Variants in TRIM39 observed in about 807,000 individuals in gnomAD.
TRIM39 encodes the protein tripartite motif containing 39.
TRIM39 carries 5 observed loss-of-function variants against 53.6 expected under a neutral mutation model. The ratio of observed to expected loss-of-function variants is 0.09; its 90% CI spans 0.05 to 0.20. TRIM39 has a LOEUF of 0.20. Among genes scored for constraint, TRIM39 ranks in the 10% least tolerant of loss-of-function variants. The probability of loss-of-function intolerance (pLI) is 1.00; values close to 1 mark genes in which losing one functional copy is unlikely to be tolerated. For synonymous variants in TRIM39, 196 were observed against 237.6 expected, an observed-to-expected ratio of 0.82 and a Z score of 1.61; for missense variants, 310 against 621.0, an observed-to-expected ratio of 0.50 and a Z score of 5.32.
intron 3 of TRIM39, among the ~76,000 whole-genome samples, chr6:30,330,321 C>T (rs1398179872): frequency 6.6e-6 from 1 of 152,204 alleles, no homozygotes; most frequent in Non-Finnish European, 1.5e-5. Context: ...AGCATTTTAT[C>T]ATATACTTTG....
intron 5 of TRIM39, among the ~76,000 whole-genome samples, chr6:30,337,400 C>T (rs1264504404): frequency 6.6e-6 from 1 of 151,778 alleles, no homozygotes; most frequent in African/African-American, 2.4e-5. Context: ...AGTGAAACTC[C>T]ATCCCCCCAA....
chr6:30,336,054 A>T (rs1786816924), intron 5 of TRIM39, 79 bp downstream of exon 5: 1 of 1,568,182 alleles, frequency 6.4e-7, no homozygotes, highest in Non-Finnish European at 8.7e-7. Context: ...TCAGCCTGGG[A>T]TACTCATTCT....
rs1374296902 is a variant in TRIM39, at chr6:30,339,706, T to C, written c.781-202T>C. Among the ~76,000 whole-genome samples, 1 of 152,184 alleles carries C rather than the reference T, an allele frequency of 6.6e-6. No homozygotes were observed. The highest frequency in any genetic ancestry group is 1.5e-5 in the Non-Finnish European group (1 of 68,030). ...AAGTGATATAAATGACCAAGCTTCA[T>C]GATGACCAGAAGTTGAAAGTAGGGA... On this transcript the variant is annotated intron_variant, in intron 5 of 7. Transcript: ENST00000396551. This position sits in a 1 kb window ranked among gnomAD's most constrained non-coding sequence, Gnocchi z 4.2.
At position 30,329,788 on chromosome 6, in the gene TRIM39, C is replaced by T. The variant is rs371510360; in HGVS notation, c.453+18C>T. 8.1e-6 allele frequency: 13 copies of T among 1,604,264 alleles called. No homozygotes were observed. In the East Asian group the frequency reaches 8.9e-5, roughly 11 times the overall value. ...AGTACAAGGTGGGGAAGCAGACACA[C>T]GATGTCAGTGTGGGTAAAAAGGGAG... On this transcript the variant is annotated intron_variant, in intron 3 of 7. Coordinates refer to ENST00000396551, the Ensembl canonical transcript of TRIM39.
chr6:30,342,274 G>A lies in TRIM39; in HGVS notation c.*15G>A, dbSNP rs1254362779. 9.3e-6 allele frequency: 15 copies of A among 1,609,966 alleles called. No individual in the cohort carries two copies. Among genetic ancestry groups the A allele is most frequent in the East Asian group, 2.2e-5 (1 of 44,860 alleles). On this transcript the variant is annotated 3_prime_UTR_variant, in exon 8 of 8. Transcript: ENST00000396551. This position sits in a 1 kb window ranked among gnomAD's most constrained non-coding sequence, Gnocchi z 4.7. ...ATTGGGAGTGACAGGTTGGGATGTG[G>A]GAATGACTGGGGTGAGGCAGGGTCA...
chr6:30,331,037 A>G (rs1173637091), intron 4 of TRIM39, among the ~76,000 whole-genome samples, 161 bp downstream of exon 4: 2 of 152,206 alleles, frequency 1.3e-5, no homozygotes, highest in African/African-American at 4.8e-5. Flanking sequence ...CTGGAGGCCA[A>G]GGTGGGCAGA....
At chr6:30,327,697 G>A (rs1785545989) in intron 1 of TRIM39, 1 of 152,238 alleles carries the variant, frequency 6.6e-6, no homozygotes, top group Non-Finnish European at 1.5e-5. Flanking sequence ...CTCGTCTCAG[G>A]TGAGGAGGCC....
exon 8 of TRIM39, chr6:30,343,687 T>C (rs1787797877): frequency 6.5e-6 from 1 of 152,690 alleles, no homozygotes; most frequent in Non-Finnish European, 1.5e-5. Context: ...CAAGATACTT[T>C]GGTTGGTTAA....
At chr6:30,340,662 A>T in intron 7 of TRIM39, 42 bp downstream of exon 7, 1 of 1,586,628 alleles carries the variant, frequency 6.3e-7, no homozygotes, top group Non-Finnish European at 8.5e-7. Flanking sequence ...ACCACTAGAG[A>T]GAAGAAAGTT....
At chr6:30,334,978 C>T (rs1786674138) in intron 4 of TRIM39, among the ~76,000 whole-genome samples, 1 of 152,146 alleles carries the variant, frequency 6.6e-6, no homozygotes, top group Non-Finnish European at 1.5e-5. Context: ...CTCACCTGGG[C>T]CTCCTAAGCA....
chr6:30,331,800 C>T (rs1187591114), intron 4 of TRIM39, among the ~76,000 whole-genome samples: 1 of 152,184 alleles, frequency 6.6e-6, no homozygotes, highest in Non-Finnish European at 1.5e-5. Context: ...AATTTTGCAC[C>T]TCTTTTATAG....
chr6:30,334,684 G>A (rs1182427903), intron 4 of TRIM39, among the ~76,000 whole-genome samples: 1 of 152,140 alleles, frequency 6.6e-6, no homozygotes, highest in Non-Finnish European at 1.5e-5. Context: ...TGCAAAGGAT[G>A]ACAATCTTAT....
rs768275615 is a variant in TRIM39, at chr6:30,330,774, C to T, written c.454-7C>T. Reference sequence around the variant, plus strand: ...GTCACCTCTCCCACTTCCTCCCTACCCCTCAGGAAAAACTGCAGAAGTGTC... The same window carrying T: ...GTCACCTCTCCCACTTCCTCCCTACTCCTCAGGAAAAACTGCAGAAGTGTC... On this transcript the variant is annotated splice_region_variant and splice_polypyrimidine_tract_variant and intron_variant, in intron 3 of 7. Coordinates refer to ENST00000396551, the Ensembl canonical transcript of TRIM39. The T allele has an allele frequency of 1.9e-6, 3 of 1,613,946 alleles. No homozygotes were observed. In the Admixed American group the frequency reaches 5.0e-5, roughly 27 times the overall value.
exon 4 of TRIM39, chr6:30,330,812 A>C: frequency 6.2e-7 from 1 of 1,614,200 alleles, no homozygotes; most frequent in East Asian, 2.2e-5. Flanking sequence ...GAGCCCCTGG[A>C]ACAGAAGCTG....
exon 3 of TRIM39, chr6:30,329,518 T>C (rs981046414): frequency 1.2e-6 from 2 of 1,613,018 alleles, no homozygotes; most frequent in Non-Finnish European, 1.7e-6. Flanking sequence ...TCCCTTGTCC[T>C]GTCTGTCGAA....
At chr6:30,343,041 C>T (rs1787726957) in exon 8 of TRIM39, 1 of 152,638 alleles carries the variant, frequency 6.6e-6, no homozygotes, top group Non-Finnish European at 1.5e-5. Flanking sequence ...TTGCTCCTCT[C>T]CAGAGGCAAA....
At chr6:30,326,736 T>G (rs543945250) in exon 1 of TRIM39, 1 of 153,654 alleles carries the variant, frequency 6.5e-6, no homozygotes, top group African/African-American at 2.4e-5. Flanking sequence ...CACCTGCCCC[T>G]CTGGGTCCCT....
In TRIM39 at chr6:30,335,883, G is replaced by T. The variant is rs1406560703; in HGVS notation, c.688G>T (p.Ala230Ser). Reference sequence around the variant, plus strand: ...CATTCTGCAGCGACTCCGAGAAAATGCTGCTCACCTTGGGGACAAGCGCCG... The same window carrying T: ...CATTCTGCAGCGACTCCGAGAAAATTCTGCTCACCTTGGGGACAAGCGCCG... Residue 230 changes from alanine (A) to serine (S), a missense_variant, in exon 5 of 8, where the codon GCT becomes TCT. This residue lies in a region of TRIM39 where 161 missense variants were observed against 210.0 expected (regional missense o/e 0.77). Transcript: ENST00000396551. This position sits in a 1 kb window ranked among gnomAD's most constrained non-coding sequence, Gnocchi z 4.7. 5 of 1,612,944 alleles carry T rather than the reference G, an allele frequency of 3.1e-6. No individual in the cohort carries two copies. The highest frequency in any genetic ancestry group is 4.2e-6 in the Non-Finnish European group (5 of 1,180,056).
chr6:30,333,439 G>C (rs1204508763), intron 4 of TRIM39, among the ~76,000 whole-genome samples: 1 of 142,104 alleles, frequency 7.0e-6, no homozygotes, highest in African/African-American at 2.6e-5. Flanking sequence ...CTCACTGCAA[G>C]CTCTGCCTCC....
Sources: gnomAD v4.1 joint callset for allele counts (sites outside exome capture counted in the v4.1 genomes callset) on GRCh38, gnomAD v4.1.1 for gene constraint, gnomAD v4.1.1 regional missense constraint, Gnocchi (gnomAD v3.1) non-coding constraint, MANE v1.5 for transcripts, NCBI Gene and HGNC (gene_info 2026-07-23, HGNC 2026-07-21) for gene names.